NEK11: variants seen among roughly 807,000 people sequenced by gnomAD.
The protein encoded by NEK11 is serine/threonine-protein kinase Nek11.
A neutral mutation model predicts 80.7 loss-of-function variants in NEK11; 72 were observed. The ratio of observed to expected loss-of-function variants is 0.89; its 90% CI spans 0.74 to 1.08. The LOEUF (loss-of-function observed/expected upper bound fraction) is 1.08. NEK11 is among the 50% of genes least tolerant of loss of function. The pLI is 0.00. For missense variants in NEK11, 764 were observed against 763.6 expected (o/e 1.00, Z -0.01); for synonymous variants, 251 against 260.7 (o/e 0.96, Z 0.36).
chr3:131,168,413 G>C (rs71333694), intron 12 of NEK11, among the ~76,000 whole-genome samples: 2,708 of 149,136 alleles, frequency 0.018, 25 homozygotes, highest in Non-Finnish European at 0.027. Context: ...CTGGAGTGCA[G>C]TGGCGGGATC....
chr3:131,069,325 C>T (rs9283581), intron 3 of NEK11, among the ~76,000 whole-genome samples: 138,378 of 152,180 alleles, frequency 0.91, 63,441 homozygotes, highest in Non-Finnish European at 0.95. Context: ...GATTGTCTCA[C>T]TGAAATCTGC....
intron 16 of NEK11, among the ~76,000 whole-genome samples, chr3:131,250,336 GAA>G (rs2095676874): frequency 1.3e-5 from 2 of 151,986 alleles, no homozygotes; most frequent in African/African-American, 4.8e-5. Context: ...AAGTATCAGA[GAA>G]AAGAGTGGTG....
intron 3 of NEK11, among the ~76,000 whole-genome samples, chr3:131,055,946 A>T (rs752146268): frequency 1.3e-5 from 2 of 152,198 alleles, no homozygotes; most frequent in African/African-American, 4.8e-5. Flanking sequence ...AGCAGGATAC[A>T]GTATTCTTAC....
At chr3:131,174,903 C>A in intron 14 of NEK11, 1 of 1,470,738 alleles carries the variant, frequency 6.8e-7, no homozygotes, top group East Asian at 2.5e-5. Context: ...TAGGCCTTGG[C>A]TGCTTACCCA....
At chr3:131,168,521 TA>T (rs1207344189) in intron 12 of NEK11, among the ~76,000 whole-genome samples, 3 of 150,974 alleles carry the variant, frequency 2.0e-5, no homozygotes, top group African/African-American at 7.3e-5. Context: ...TACGCCCGGC[TA>T]ATTTTTTGTA....
chr3:131,094,874 C>A (rs2077214907), intron 4 of NEK11, among the ~76,000 whole-genome samples: 1 of 152,066 alleles, frequency 6.6e-6, no homozygotes, highest in African/African-American at 2.4e-5. Flanking sequence ...AGACAGCCTG[C>A]CAGTATTTTT....
chr3:131,147,645 T>A (rs1374321764), intron 7 of NEK11, among the ~76,000 whole-genome samples: 1 of 151,914 alleles, frequency 6.6e-6, no homozygotes, highest in African/African-American at 2.4e-5. Context: ...TTGGTTGGTA[T>A]TTCATGGGCC....
intron 14 of NEK11, among the ~76,000 whole-genome samples, chr3:131,182,861 G>C (rs1171918130): frequency 6.6e-6 from 1 of 152,076 alleles, no homozygotes; most frequent in Non-Finnish European, 1.5e-5. Flanking sequence ...CCTTCTTCCA[G>C]CTCAATTCCA....
At chr3:131,087,400 C>G (rs1196861774) in intron 4 of NEK11, among the ~76,000 whole-genome samples, 1 of 151,976 alleles carries the variant, frequency 6.6e-6, no homozygotes. Flanking sequence ...CGTGCCACCA[C>G]GCCCAGCTAA....
intron 10 of NEK11, among the ~76,000 whole-genome samples, chr3:131,155,801 G>A (rs182617412): frequency 2.0e-5 from 3 of 152,244 alleles, no homozygotes; most frequent in Non-Finnish European, 2.9e-5. Flanking sequence ...GGCTGATCTA[G>A]CACAAATATA....
chr3:131,050,965 C>T (rs2068294752), intron 3 of NEK11, among the ~76,000 whole-genome samples: 7 of 152,102 alleles, frequency 4.6e-5, no homozygotes, highest in Admixed American at 4.6e-4. Context: ...CTGAGGTGGT[C>T]AAGGCTGCAG....
At chr3:131,187,664 G>T (rs1477273979) in intron 14 of NEK11, among the ~76,000 whole-genome samples, 1 of 152,142 alleles carries the variant, frequency 6.6e-6, no homozygotes, top group African/African-American at 2.4e-5. Context: ...CTTCTATGCT[G>T]TGACAGCTTT....
At chr3:131,032,325 A>C (rs953168432) in intron 3 of NEK11, among the ~76,000 whole-genome samples, 1 of 152,200 alleles carries the variant, frequency 6.6e-6, no homozygotes, top group African/African-American at 2.4e-5. Flanking sequence ...TCTAGAAAAA[A>C]AAGATTTGGG....
intron 15 of NEK11, among the ~76,000 whole-genome samples, chr3:131,229,922 C>T (rs1307771248): frequency 2.0e-5 from 3 of 152,028 alleles, no homozygotes; most frequent in South Asian, 2.1e-4. Context: ...TAGCTTATAC[C>T]GTTTCCCCAT....
intron 17 of NEK11, among the ~76,000 whole-genome samples, chr3:131,309,987 TAAAAAAAAAAAAAAA>T (rs558210123): frequency 1.7e-4 from 4 of 23,274 alleles, no homozygotes; most frequent in South Asian, 2.1e-3. Flanking sequence ...AGACCATGTT[TAAAAAAAAAAAAAAA>T]AAAAAAAAAA....
chr3:131,165,999 T>G (rs560999773), intron 12 of NEK11, among the ~76,000 whole-genome samples: 89 of 152,322 alleles, frequency 5.8e-4, no homozygotes, highest in African/African-American at 2.0e-3. Context: ...CAATAATGAA[T>G]AGAGTTGCAG....
intron 5 of NEK11, among the ~76,000 whole-genome samples, chr3:131,128,649 T>C (rs999600570): frequency 2.6e-5 from 4 of 152,250 alleles, no homozygotes; most frequent in Admixed American, 2.6e-4. Context: ...GACATAGTTT[T>C]TAATTCATTT....
intron 4 of NEK11, among the ~76,000 whole-genome samples, chr3:131,093,817 G>T (rs992368136): frequency 6.6e-5 from 10 of 151,974 alleles, no homozygotes; most frequent in African/African-American, 2.2e-4. Context: ...ACATGACATA[G>T]TCAACATTCA....
At chr3:131,055,634 G>A (rs762133613) in intron 3 of NEK11, among the ~76,000 whole-genome samples, 2 of 152,066 alleles carry the variant, frequency 1.3e-5, no homozygotes, top group African/African-American at 4.8e-5. Flanking sequence ...GGAGGCTGAG[G>A]TGAAAGGATC....
Sources: allele counts gnomAD v4.1 joint callset (sites outside exome capture counted in the v4.1 genomes callset), GRCh38; gene constraint gnomAD v4.1.1; transcripts MANE v1.5; gene names NCBI Gene and HGNC (gene_info 2026-07-23, HGNC 2026-07-21).